Variants in FOXN3 observed in about 807,000 individuals in gnomAD.
FOXN3 encodes forkhead box protein N3.
FOXN3 carries 7 observed loss-of-function variants against 38.4 expected under a neutral mutation model. The ratio of observed to expected loss-of-function variants is 0.18; its 90% CI spans 0.10 to 0.34. The LOEUF (loss-of-function observed/expected upper bound fraction) is 0.34, where lower values mean the gene tolerates loss of function less well. Among genes scored for constraint, FOXN3 ranks in the 10% least tolerant of loss-of-function variants. The probability of loss-of-function intolerance (pLI) is 1.00; values close to 1 mark genes in which losing one functional copy is unlikely to be tolerated. For missense variants in FOXN3, 456 were observed against 613.4 expected (o/e 0.74, Z 2.71); for synonymous variants, 230 against 242.2 (o/e 0.95, Z 0.47).
chr14:89,250,739 G>A (rs114298483), intron 4 of FOXN3, among the ~76,000 whole-genome samples: 4,838 of 152,304 alleles, frequency 0.032, 97 homozygotes, highest in African/African-American at 0.051. Flanking sequence ...ATTCCCATGC[G>A]TTATGGGAGA....
At chr14:89,559,502 C>G (rs546744788) in intron 1 of FOXN3, among the ~76,000 whole-genome samples, 1 of 149,732 alleles carries the variant, frequency 6.7e-6, no homozygotes, top group East Asian at 1.9e-4. Context: ...ATGGTGAAAC[C>G]CCATCTCTAC....
chr14:89,376,737 G>A (rs1890487711), intron 2 of FOXN3, among the ~76,000 whole-genome samples: 1 of 152,056 alleles, frequency 6.6e-6, no homozygotes, highest in Admixed American at 6.6e-5. Context: ...TGAGCTGCCG[G>A]GTGCAGTGGC....
intron 1 of FOXN3, among the ~76,000 whole-genome samples, chr14:89,519,976 G>A (rs891349950): frequency 6.6e-6 from 1 of 151,868 alleles, no homozygotes; most frequent in South Asian, 2.1e-4. Flanking sequence ...AACAGCACTA[G>A]GTGAAATGTC....
At chr14:89,457,361 C>T (rs1321835683) in intron 1 of FOXN3, among the ~76,000 whole-genome samples, 2 of 152,156 alleles carry the variant, frequency 1.3e-5, no homozygotes, top group Admixed American at 6.5e-5. Flanking sequence ...TCTGATTGGG[C>T]TCCTGATACC....
chr14:89,519,634 G>T (rs1359604066), intron 1 of FOXN3, among the ~76,000 whole-genome samples: 1 of 152,172 alleles, frequency 6.6e-6, no homozygotes, highest in Non-Finnish European at 1.5e-5. Flanking sequence ...ACACCAATAG[G>T]AATAGGGAGA....
intron 4 of FOXN3, among the ~76,000 whole-genome samples, chr14:89,250,068 A>C (rs1885410623): frequency 6.6e-6 from 1 of 152,188 alleles, no homozygotes; most frequent in African/African-American, 2.4e-5. Context: ...AAAGTGTGCC[A>C]AACCCTGAAC....
intron 4 of FOXN3, 54 bp from the exon 5 acceptor site, chr14:89,180,860 T>C: frequency 1.4e-6 from 2 of 1,458,660 alleles, no homozygotes; most frequent in East Asian, 4.8e-5. Context: ...TGTGAAGATT[T>C]CCGTTCCAAG....
At chr14:89,459,946 G>A (rs1194447331) in intron 1 of FOXN3, among the ~76,000 whole-genome samples, 1 of 152,136 alleles carries the variant, frequency 6.6e-6, no homozygotes, top group Non-Finnish European at 1.5e-5. Flanking sequence ...AGCAAGAGGG[G>A]AAGACAATAC....
intron 4 of FOXN3, among the ~76,000 whole-genome samples, chr14:89,182,588 C>G (rs898237712): frequency 3.9e-5 from 6 of 152,178 alleles, no homozygotes; most frequent in Non-Finnish European, 8.8e-5. Context: ...AGGAGACTTA[C>G]CAAGTATCTT....
At chr14:89,428,504 A>G (rs891850949) in intron 1 of FOXN3, among the ~76,000 whole-genome samples, 1 of 152,252 alleles carries the variant, frequency 6.6e-6, no homozygotes, top group Admixed American at 6.5e-5. Context: ...TATGTTCAAC[A>G]GCACCTCACT....
chr14:89,345,353 CT>C (rs1186422613), intron 3 of FOXN3, among the ~76,000 whole-genome samples: 2 of 148,648 alleles, frequency 1.3e-5, no homozygotes, highest in African/African-American at 2.5e-5. Flanking sequence ...TTGGAGACTG[CT>C]TTAAAAAAAA....
intron 3 of FOXN3, among the ~76,000 whole-genome samples, chr14:89,288,069 AT>A (rs34976615): frequency 0.76 from 114,231 of 149,680 alleles, 44,564 homozygotes; most frequent in East Asian, 0.95. Context: ...TCAAAAAAAA[AT>A]ATATATATAT....
At chr14:89,234,074 C>T (rs1164814563) in intron 4 of FOXN3, among the ~76,000 whole-genome samples, 1 of 152,200 alleles carries the variant, frequency 6.6e-6, no homozygotes, top group East Asian at 1.9e-4. Context: ...CAGATTCTCC[C>T]CAAAGACCAC....
chr14:89,472,524 C>T (rs964661048), intron 1 of FOXN3, among the ~76,000 whole-genome samples: 10 of 152,004 alleles, frequency 6.6e-5, no homozygotes, highest in South Asian at 2.1e-4. Context: ...ATCGAGACCA[C>T]CTTGGCTAAC....
In FOXN3 at chr14:89,161,553, C is replaced by CGTG. The variant is rs1887098999; in HGVS notation, c.*860_*861insCAC. On this transcript the variant is annotated 3_prime_UTR_variant, in exon 6 of 6. Coordinates refer to ENST00000557258, the MANE Select transcript of FOXN3 (RefSeq NM_005197.4). Reference sequence around the variant, plus strand: ...TCCCCATCAGTTTTCTCTCTCTCTCCTTCGTGTGTGTGTGTGTGTGTGTGT... The same window carrying CGTG: ...TCCCCATCAGTTTTCTCTCTCTCTCCGTGTTCGTGTGTGTGTGTGTGTGTGTGT... 1 of 89,088 alleles carries CGTG rather than the reference C, an allele frequency of 1.1e-5. No individual in the cohort carries two copies. The highest frequency in any genetic ancestry group is 2.4e-5 in the Non-Finnish European group (1 of 40,868). The allele number at this position is 89,088 out of a possible 1,614,324, so 5.5% of individuals were successfully genotyped here.
chr14:89,511,580 ACT>A (rs554553548), intron 1 of FOXN3, among the ~76,000 whole-genome samples: 1 of 151,796 alleles, frequency 6.6e-6, no homozygotes, highest in African/African-American at 2.4e-5. Context: ...ACTCACATTT[ACT>A]CCAAGACCAA....
intron 2 of FOXN3, among the ~76,000 whole-genome samples, chr14:89,389,023 T>A (rs1350195310): frequency 1.3e-5 from 2 of 152,078 alleles, no homozygotes; most frequent in African/African-American, 2.4e-5. Context: ...CAGGAAATAC[T>A]ACAAGGGCTG....
intron 3 of FOXN3, among the ~76,000 whole-genome samples, chr14:89,306,524 G>A (rs754366118): frequency 3.9e-5 from 6 of 152,000 alleles, no homozygotes; most frequent in African/African-American, 7.2e-5. Flanking sequence ...CCACCACCAC[G>A]CCCGGCTAAT....
upstream of FOXN3, chr14:89,417,940 G>A (rs1213033790): frequency 1.2e-5 from 4 of 339,868 alleles, no homozygotes; most frequent in Non-Finnish European, 1.8e-5. Flanking sequence ...GGCCGGCCTA[G>A]AGAGAAAACA....
Sources: gnomAD v4.1 joint callset for allele counts (sites outside exome capture counted in the v4.1 genomes callset) on GRCh38, gnomAD v4.1.1 for gene constraint, MANE v1.5 for transcripts, NCBI Gene and HGNC (gene_info 2026-07-23, HGNC 2026-07-21) for gene names.